Variants in UCHL3 observed in about 807,000 individuals in gnomAD.
The protein encoded by UCHL3 is ubiquitin carboxyl-terminal hydrolase isozyme L3.
A neutral mutation model predicts 35.8 loss-of-function variants in UCHL3; 22 were observed. The ratio of observed to expected loss-of-function variants is 0.61; its 90% CI spans 0.44 to 0.88. The LOEUF is 0.88. Ranked by LOEUF, UCHL3 falls within the 40% of genes least tolerant of loss-of-function variation. The pLI is 0.00. For missense variants in UCHL3, 229 were observed against 276.9 expected, an observed-to-expected ratio of 0.83 and a Z score of 1.23; for synonymous variants, 90 against 92.8, an observed-to-expected ratio of 0.97 and a Z score of 0.17.
At chr13:75,595,455 G>A (rs749920687) in intron 7 of UCHL3, among the ~76,000 whole-genome samples, 13 of 151,802 alleles carry the variant, frequency 8.6e-5, no homozygotes, top group South Asian at 2.1e-4. Flanking sequence ...AAATTAGCCC[G>A]GCGTGGTGGC....
chr13:75,596,052 T>G (rs1205225067), intron 7 of UCHL3, among the ~76,000 whole-genome samples: 2 of 152,188 alleles, frequency 1.3e-5, no homozygotes, highest in African/African-American at 4.8e-5. Context: ...TGTCTATATA[T>G]TACCTTGTCA....
intron 7 of UCHL3, among the ~76,000 whole-genome samples, chr13:75,604,077 A>G (rs2138594950): frequency 6.6e-6 from 1 of 152,290 alleles, no homozygotes; most frequent in Non-Finnish European, 1.5e-5. Context: ...ATGGAATCGT[A>G]GAAGGGGCTG....
At chr13:75,549,679 C>A, upstream of UCHL3, 1 of 905,398 alleles carries the variant, frequency 1.1e-6, no homozygotes, top group Non-Finnish European at 1.6e-6. Context: ...GGGTGAGAGG[C>A]CCGTCAAACT....
chr13:75,560,834 C>A lies in UCHL3; in HGVS notation c.136C>A (p.Pro46Thr). Reference protein sequence around the residue: ...GMDPELLSMVPRPVCAVLLLF... With the variant: ...GMDPELLSMVTRPVCAVLLLF... ...GGATCCTGAACTCCTTAGCATGGTA[C>A]CAAGACCAGTCTGTGCAGTCTTACT... The change falls in exon 3 of 9, where the codon CCA (proline) becomes ACA (threonine). Residue 46 changes from proline (P) to threonine (T), a missense_variant. Pro to Thr is a conservative substitution (Grantham distance 38). Transcript: ENST00000377595. 1 of 1,563,032 alleles carries A rather than the reference C, an allele frequency of 6.4e-7. No homozygotes were observed. Among genetic ancestry groups the A allele is most frequent in the Non-Finnish European group, 8.6e-7 (1 of 1,162,490 alleles).
At chr13:75,561,840 T>C in intron 3 of UCHL3, among the ~76,000 whole-genome samples, 1 of 147,744 alleles carries the variant, frequency 6.8e-6, no homozygotes, top group South Asian at 2.2e-4. Context: ...CGTATATACG[T>C]ATACGTATAC....
At chr13:75,560,623 C>A (rs751872412) in intron 2 of UCHL3, 130 bp from the exon 3 acceptor site, 19 of 823,838 alleles carry the variant, frequency 2.3e-5, no homozygotes, top group Non-Finnish European at 3.2e-5. Flanking sequence ...TGTATTTTAT[C>A]CCTTTATAGG....
Position 75,560,899 on chromosome 13 carries a change from T to C in UCHL3, c.183+18T>C, listed in dbSNP as rs751454652. 3.4e-6 allele frequency: 5 copies of C among 1,491,252 alleles called. No individual in the cohort carries two copies. The South Asian group carries it at 7.0e-5, about 21-fold the overall frequency. The allele number at this position is 1,491,252 out of a possible 1,614,324, so 92.4% of individuals were successfully genotyped here. A position where few individuals can be genotyped will look rare whatever the true frequency, so the allele number is the denominator to read the frequency against. ...CAGAAAAGGTAATTGTTATGTAAAA[T>C]AGAAAGTTTCTGGTAAATACAATTT... On this transcript the variant is annotated intron_variant, in intron 3 of 8. Coordinates refer to ENST00000377595, the MANE Select transcript of UCHL3 (RefSeq NM_006002.5).
intron 6 of UCHL3, among the ~76,000 whole-genome samples, chr13:75,592,266 G>T (rs9318359): frequency 0.12 from 17,625 of 149,762 alleles, 1,379 homozygotes; most frequent in Middle Eastern, 0.29. Context: ...GAAGTCAATG[G>T]TACTATTTAT....
chr13:75,583,779 C>T (rs2138538787), intron 6 of UCHL3, among the ~76,000 whole-genome samples: 1 of 152,250 alleles, frequency 6.6e-6, no homozygotes, highest in East Asian at 1.9e-4. Context: ...GATATACTTA[C>T]TGAGATGAAT....
intron 7 of UCHL3, 141 bp from the exon 8 acceptor site, chr13:75,604,628 T>G (rs972179767): frequency 1.2e-5 from 6 of 488,058 alleles, no homozygotes; most frequent in Non-Finnish European, 1.7e-5. Flanking sequence ...GGTAGCACAT[T>G]AAAACATTTG....
At chr13:75,560,212 T>G (rs1298765095) in intron 2 of UCHL3, among the ~76,000 whole-genome samples, 1 of 152,218 alleles carries the variant, frequency 6.6e-6, no homozygotes, top group African/African-American at 2.4e-5. Context: ...TCATTTTTGG[T>G]AAATAGGATA....
At chr13:75,569,585 A>AT in intron 6 of UCHL3, 78 bp downstream of exon 6, 3 of 1,334,002 alleles carry the variant, frequency 2.2e-6, no homozygotes, top group East Asian at 2.4e-5. Flanking sequence ...TAACCATAGT[A>AT]TTATTGTAGG....
intron 3 of UCHL3, among the ~76,000 whole-genome samples, chr13:75,562,857 A>C (rs1468975997): frequency 6.6e-6 from 1 of 152,208 alleles, no homozygotes; most frequent in East Asian, 1.9e-4. Flanking sequence ...TATATAAGTA[A>C]GCATAAATAC....
At chr13:75,585,534 A>C (rs1179484696) in intron 6 of UCHL3, among the ~76,000 whole-genome samples, 4 of 152,146 alleles carry the variant, frequency 2.6e-5, no homozygotes, top group Non-Finnish European at 5.9e-5. Context: ...ATTATGCTGA[A>C]ACAGTACAAT....
rs1234391520 is a variant in UCHL3 at position 75,580,835 on chromosome 13, T to C, written c.474+11328T>C. Among the ~76,000 whole-genome samples, 4 of 152,218 alleles carry C rather than the reference T, an allele frequency of 2.6e-5. No individual in the cohort carries two copies. The East Asian group carries it at 7.7e-4, about 29-fold the overall frequency. The stretch of plus-strand genomic sequence containing the variant: ...ACAGCTAGTAGGTACTCCTGTGCTC[T>C]TAAGGCAACAAAACGTGTAGGTAAT... On this transcript the variant is annotated intron_variant, in intron 6 of 8. Coordinates refer to ENST00000377595, the MANE Select transcript of UCHL3 (RefSeq NM_006002.5).
At chr13:75,597,204 A>T (rs1197487770) in intron 7 of UCHL3, among the ~76,000 whole-genome samples, 1 of 152,118 alleles carries the variant, frequency 6.6e-6, no homozygotes, top group Non-Finnish European at 1.5e-5. Flanking sequence ...AATGATTAAG[A>T]GATTAGCACT....
intron 2 of UCHL3, among the ~76,000 whole-genome samples, chr13:75,550,718 CTG>C (rs1435495623): frequency 1.3e-5 from 1 of 76,224 alleles, no homozygotes; most frequent in Non-Finnish European, 2.4e-5. Flanking sequence ...TTATTTTACC[CTG>C]TTTTTTTTTT....
chr13:75,601,653 C>A (rs1231775069), intron 7 of UCHL3, among the ~76,000 whole-genome samples: 2 of 152,098 alleles, frequency 1.3e-5, no homozygotes, highest in Non-Finnish European at 2.9e-5. Context: ...TTTATATGCA[C>A]TAGGAAACAA....
At chr13:75,602,594 G>A (rs1479457624) in intron 7 of UCHL3, among the ~76,000 whole-genome samples, 1 of 152,176 alleles carries the variant, frequency 6.6e-6, no homozygotes, top group Non-Finnish European at 1.5e-5. Context: ...GTTGGCAAGT[G>A]ACAGTTTTGT....
Sources: gnomAD v4.1 joint callset for allele counts (sites outside exome capture counted in the v4.1 genomes callset) on GRCh38, gnomAD v4.1.1 for gene constraint, MANE v1.5 for transcripts, NCBI Gene and HGNC (gene_info 2026-07-23, HGNC 2026-07-21) for gene names.